The following FAM168A variants were observed in gnomAD, a reference collection of about 807,000 sequenced individuals.
FAM168A encodes the protein protein FAM168A.
Under a neutral mutation model 28.5 loss-of-function variants are expected in FAM168A, and 3 were observed. The observed-to-expected ratio is 0.11, with a 90% CI of 0.05 to 0.27. The LOEUF is 0.27. Ranked by LOEUF, FAM168A falls within the 10% of genes least tolerant of loss-of-function variation. The pLI, the probability that FAM168A is intolerant of heterozygous loss-of-function variation, is 1.00. For missense variants in FAM168A, 222 were observed against 311.5 expected (o/e 0.71, Z 2.16); for synonymous variants, 122 against 124.2 (o/e 0.98, Z 0.12).
At chr11:73,416,956 T>C (rs1019305983) in intron 4 of FAM168A, among the ~76,000 whole-genome samples, 1 of 149,602 alleles carries the variant, frequency 6.7e-6, no homozygotes, top group Middle Eastern at 3.4e-3. Flanking sequence ...AAAAAAAAGG[T>C]GGGGGTGGGT....
chr11:73,578,894 T>C (rs1944209001), intron 1 of FAM168A, among the ~76,000 whole-genome samples: 1 of 152,222 alleles, frequency 6.6e-6, no homozygotes, highest in Admixed American at 6.5e-5. Context: ...ATAGCAATGC[T>C]ATCCATCTTA....
rs1866759594 is a variant in FAM168A, at chr11:73,419,778, A to G, written c.277+96T>C. 3.4e-6 allele frequency: 5 copies of G among 1,479,924 alleles called. No individual in the cohort carries two copies. In the Admixed American group the frequency reaches 8.1e-5, roughly 24 times the overall value. The allele number at this position is 1,479,924 out of a possible 1,614,324, so 91.7% of individuals were successfully genotyped here. A position where few individuals can be genotyped will look rare whatever the true frequency, so the allele number is the denominator to read the frequency against. The stretch of plus-strand genomic sequence containing the variant: ...AACCTCTTAAAACATTATTTATCTC[A>G]TAAATGTCATTTTAAAAAGCTCCCT... On this transcript the variant is annotated intron_variant, in intron 4 of 7. Transcript: ENST00000356467.
intron 1 of FAM168A, among the ~76,000 whole-genome samples, chr11:73,472,263 G>C (rs1421204100): frequency 6.6e-6 from 1 of 152,170 alleles, no homozygotes; most frequent in Non-Finnish European, 1.5e-5. Flanking sequence ...TGACATCTGA[G>C]CAAACACCTG....
At chr11:73,428,728 T>C (rs765026317) in intron 3 of FAM168A, among the ~76,000 whole-genome samples, 2 of 152,236 alleles carry the variant, frequency 1.3e-5, no homozygotes, top group Non-Finnish European at 2.9e-5. Context: ...CCTTCTATCA[T>C]AGATCTTAGG....
Position 73,429,255 on chromosome 11 carries a change from G to A in FAM168A, c.151+1435C>T, listed in dbSNP as rs187987929. On this transcript the variant is annotated intron_variant, in intron 3 of 7. Coordinates refer to ENST00000356467, the MANE Select transcript of FAM168A (RefSeq NM_015159.3). ...AGATTGGCAGAGAAAAGCATAGGAC[G>A]AGAGTCAGGAGATCTGCCAAAGATT... Among the ~76,000 whole-genome samples the A allele has an allele frequency of 9.5e-4, 144 of 152,210 alleles. 1 individual carries two copies. Among genetic ancestry groups the A allele is most frequent in the African/African-American group, 3.3e-3 (135 of 41,512 alleles).
At chr11:73,552,375 C>T (rs1943839869) in intron 1 of FAM168A, among the ~76,000 whole-genome samples, 1 of 152,172 alleles carries the variant, frequency 6.6e-6, no homozygotes, top group African/African-American at 2.4e-5. Flanking sequence ...TTAACACTCT[C>T]CTTTGTATTC....
chr11:73,545,414 GGT>G (rs757099004), intron 1 of FAM168A, among the ~76,000 whole-genome samples: 2 of 151,990 alleles, frequency 1.3e-5, no homozygotes, highest in Non-Finnish European at 2.9e-5. Flanking sequence ...ATCCTGAATA[GGT>G]TAGTGATTGC....
intron 1 of FAM168A, among the ~76,000 whole-genome samples, chr11:73,489,111 C>T (rs574849096): frequency 2.0e-5 from 3 of 152,110 alleles, no homozygotes; most frequent in African/African-American, 7.2e-5. Flanking sequence ...GAACTCCTGA[C>T]CTCTTGATCT....
At chr11:73,479,769 C>T (rs1021776328) in intron 1 of FAM168A, among the ~76,000 whole-genome samples, 3 of 152,172 alleles carry the variant, frequency 2.0e-5, no homozygotes, top group African/African-American at 4.8e-5. Context: ...CTTTTATTTA[C>T]TCTGAATTCC....
chr11:73,457,742 AAAAAAAAAG>A, intron 2 of FAM168A, among the ~76,000 whole-genome samples: 1 of 137,468 alleles, frequency 7.3e-6, no homozygotes, highest in African/African-American at 3.1e-5. Flanking sequence ...AAAAAAAAAA[AAAAAAAAAG>A]AAAAGAAAAG....
intron 1 of FAM168A, among the ~76,000 whole-genome samples, chr11:73,586,300 G>T (rs753033253): frequency 2.0e-5 from 3 of 152,090 alleles, no homozygotes; most frequent in Non-Finnish European, 4.4e-5. Flanking sequence ...GACCACCACA[G>T]CAGGGTGCAA....
chr11:73,509,696 C>CT (rs1250540622), intron 1 of FAM168A, among the ~76,000 whole-genome samples: 1 of 152,120 alleles, frequency 6.6e-6, no homozygotes, highest in Non-Finnish European at 1.5e-5. Flanking sequence ...GAATTCTAGG[C>CT]TTTTAAGACC....
chr11:73,528,808 T>TGA lies in FAM168A; in HGVS notation c.-18-60318_-18-60317dup, dbSNP rs528523831. ...TGACTCCCAATCCTAAATACTTTAC[T>TGA]GAGAGTCTTTGTGTCTGTTGGCCCA... On this transcript the variant is annotated intron_variant, in intron 1 of 7. Coordinates refer to ENST00000356467, the MANE Select transcript of FAM168A (RefSeq NM_015159.3). 3.3e-5 allele frequency among the ~76,000 whole-genome samples: 5 copies of TGA among 152,294 alleles called. No individual in the cohort carries two copies. The South Asian group carries it at 1.0e-3, about 32-fold the overall frequency.
At chr11:73,410,784 G>C (rs1049426748) in intron 5 of FAM168A, 4 of 152,238 alleles carry the variant, frequency 2.6e-5, no homozygotes, top group African/African-American at 9.7e-5. Flanking sequence ...AGTCACTCCA[G>C]AAGAATGTGT....
At chr11:73,413,581 TAAAG>T (rs1866651953) in intron 4 of FAM168A, among the ~76,000 whole-genome samples, 2 of 152,124 alleles carry the variant, frequency 1.3e-5, no homozygotes, top group South Asian at 4.1e-4. Context: ...ATCTATAAAA[TAAAG>T]GGGTTTTATA....
At chr11:73,482,058 C>T (rs1202935151) in intron 1 of FAM168A, among the ~76,000 whole-genome samples, 1 of 152,016 alleles carries the variant, frequency 6.6e-6, no homozygotes, top group Non-Finnish European at 1.5e-5. Context: ...AATGAACTTG[C>T]CTTGATCTTG....
intron 1 of FAM168A, among the ~76,000 whole-genome samples, chr11:73,488,279 T>C (rs1357164418): frequency 1.3e-5 from 2 of 151,866 alleles, no homozygotes; most frequent in African/African-American, 4.8e-5. Context: ...TACAGGCGCC[T>C]GCCACCGTAC....
intron 1 of FAM168A, among the ~76,000 whole-genome samples, chr11:73,469,750 T>A (rs1388985397): frequency 1.3e-5 from 2 of 151,938 alleles, no homozygotes; most frequent in African/African-American, 2.4e-5. Flanking sequence ...GTTAAAGGAG[T>A]TATATATATA....
rs1315905208 is a variant in FAM168A at position 73,548,047 on chromosome 11, C to CA, written c.-19+49875dup. 5.9e-5 allele frequency among the ~76,000 whole-genome samples: 9 copies of CA among 152,058 alleles called. No homozygotes were observed. In the East Asian group the frequency reaches 1.4e-3, roughly 23 times the overall value. ...TCTAAAGTAGTCAAACTCACAGAAA[C>CA]AAATAGTAAAATTGTGGTTGTCAGG... On this transcript the variant is annotated intron_variant, in intron 1 of 7. Coordinates refer to ENST00000356467, the MANE Select transcript of FAM168A (RefSeq NM_015159.3).
Sources: gnomAD v4.1 joint callset for allele counts (sites outside exome capture counted in the v4.1 genomes callset) on GRCh38, gnomAD v4.1.1 for gene constraint, MANE v1.5 for transcripts, NCBI Gene and HGNC (gene_info 2026-07-23, HGNC 2026-07-21) for gene names.